DPH6: variants seen among roughly 807,000 people sequenced by gnomAD.
DPH6 encodes diphthine--ammonia ligase.
In DPH6, 33 loss-of-function variants were observed where a neutral mutation model predicts 38.2. The observed-to-expected ratio is 0.86, with a 90% CI of 0.65 to 1.15. The LOEUF (loss-of-function observed/expected upper bound fraction) is 1.15, where lower values mean the gene tolerates loss of function less well. Ranked by LOEUF, DPH6 falls within the 50% of genes most tolerant of loss-of-function variation. DPH6 has a pLI of 0.00. For synonymous variants in DPH6, 108 were observed against 103.0 expected (o/e 1.05, Z -0.30); for missense variants, 325 against 320.0 (o/e 1.02, Z -0.12).
At chr15:35,498,855 C>T (rs962030470) in intron 3 of DPH6, among the ~76,000 whole-genome samples, 2 of 150,702 alleles carry the variant, frequency 1.3e-5, no homozygotes, top group African/African-American at 4.9e-5. Context: ...AGTCGGTAAT[C>T]CCAGCTACTT....
chr15:35,397,906 C>CACACACACACACACAT (rs1555398584), intron 6 of DPH6, among the ~76,000 whole-genome samples: 2 of 147,196 alleles, frequency 1.4e-5, no homozygotes, highest in African/African-American at 2.6e-5. Context: ...CACACACACA[C>CACACACACACACACAT]ACACACACAA....
At chr15:35,272,326 C>T (rs1429118085) in intron 3 of DPH6, among the ~76,000 whole-genome samples, 1 of 151,982 alleles carries the variant, frequency 6.6e-6, no homozygotes, top group Non-Finnish European at 1.5e-5. Context: ...CCATAGGGGT[C>T]CTGTAAGTTT....
intron 3 of DPH6, chr15:35,299,435 G>A (rs1449741500): frequency 1.3e-6 from 1 of 782,306 alleles, no homozygotes; most frequent in Admixed American, 1.7e-5. Flanking sequence ...GATCGTACAG[G>A]GACATCTTTT....
intron 3 of DPH6, among the ~76,000 whole-genome samples, chr15:35,507,617 A>T (rs1267908025): frequency 3.9e-5 from 6 of 152,174 alleles, no homozygotes; most frequent in Admixed American, 3.9e-4. Flanking sequence ...TAAAACATTT[A>T]TCTGTTAATA....
At chr15:35,289,580 G>T (rs996127224) in intron 3 of DPH6, among the ~76,000 whole-genome samples, 8 of 152,210 alleles carry the variant, frequency 5.3e-5, no homozygotes, top group African/African-American at 1.9e-4. Flanking sequence ...TCAGAGATGT[G>T]ATTGTAAAAA....
chr15:35,233,803 T>A (rs1381011785), intron 3 of DPH6, among the ~76,000 whole-genome samples: 1 of 152,244 alleles, frequency 6.6e-6, no homozygotes, highest in Non-Finnish European at 1.5e-5. Context: ...CTGAGTTTAT[T>A]CCTACTTCTT....
At chr15:35,284,796 T>TC (rs2051928856) in intron 3 of DPH6, among the ~76,000 whole-genome samples, 2 of 126,662 alleles carry the variant, frequency 1.6e-5, no homozygotes, top group African/African-American at 5.6e-5. Context: ...GGGTGAAGTC[T>TC]CCAAATTTTT....
chr15:35,182,220 A>ATTTTTTTTTTTTTTTTTTTTTTTT, the DPH6 span, among the ~76,000 whole-genome samples: 1 of 86,012 alleles, frequency 1.2e-5, no homozygotes, highest in African/African-American at 3.9e-5. Context: ...AACTCTAAGA[A>ATTTTTTTTTTTTTTTTTTTTTTTT]TTTTTTTTTT....
intron 1 of DPH6, among the ~76,000 whole-genome samples, chr15:35,545,584 G>T (rs1242948439): frequency 6.6e-6 from 1 of 152,190 alleles, no homozygotes; most frequent in Non-Finnish European, 1.5e-5. Flanking sequence ...ATGAGGGAGG[G>T]GTGGACTTCT....
At chr15:35,275,698 T>A (rs1431768071) in intron 3 of DPH6, among the ~76,000 whole-genome samples, 10 of 149,478 alleles carry the variant, frequency 6.7e-5, no homozygotes. Flanking sequence ...TGCACATGTA[T>A]CTCAGACCTT....
At chr15:35,494,755 CTG>C (rs1566930530) in intron 3 of DPH6, among the ~76,000 whole-genome samples, 1 of 151,802 alleles carries the variant, frequency 6.6e-6, no homozygotes, top group Non-Finnish European at 1.5e-5. Flanking sequence ...AACACTTAAA[CTG>C]TGTGTGAATT....
chr15:35,478,223 A>G (rs1018095145), intron 3 of DPH6, among the ~76,000 whole-genome samples: 35 of 151,938 alleles, frequency 2.3e-4, no homozygotes, highest in African/African-American at 8.2e-4. Context: ...TGATAAGCCT[A>G]TAACTAAATA....
chr15:35,397,627 G>A (rs971630239), intron 6 of DPH6, among the ~76,000 whole-genome samples: 1 of 151,992 alleles, frequency 6.6e-6, no homozygotes, highest in Admixed American at 6.6e-5. Context: ...AACCAAAAGG[G>A]TAAGGAGCTA....
chr15:35,208,978 T>A, the DPH6 span, among the ~76,000 whole-genome samples: 1 of 152,314 alleles, frequency 6.6e-6, no homozygotes, highest in East Asian at 1.9e-4. Flanking sequence ...TTTCACTTTT[T>A]AAATGTGTCA....
At chr15:35,414,549 A>G (rs2053412267) in intron 5 of DPH6, among the ~76,000 whole-genome samples, 1 of 151,744 alleles carries the variant, frequency 6.6e-6, no homozygotes, top group African/African-American at 2.4e-5. Context: ...TCAAATCTAG[A>G]GCATTTTCAG....
chr15:35,182,211 A>T, the DPH6 span, among the ~76,000 whole-genome samples: 33,894 of 138,024 alleles, frequency 0.25, 5,122 homozygotes, highest in East Asian at 0.68. Flanking sequence ...AAACTGGACA[A>T]CTCTAAGAAT....
At chr15:35,503,566 C>T (rs1306275847) in intron 3 of DPH6, among the ~76,000 whole-genome samples, 2 of 152,006 alleles carry the variant, frequency 1.3e-5, no homozygotes, top group African/African-American at 4.8e-5. Flanking sequence ...TTAAACATAC[C>T]CTTATTCTTC....
At chr15:35,396,696 C>A (rs765515219) in intron 6 of DPH6, among the ~76,000 whole-genome samples, 1 of 152,022 alleles carries the variant, frequency 6.6e-6, no homozygotes, top group Non-Finnish European at 1.5e-5. Flanking sequence ...TTATAATAGC[C>A]ATTGGATGTC....
chr15:35,472,759 C>T lies in DPH6; in HGVS notation c.313-17939G>A, dbSNP rs146981943. On this transcript the variant is annotated intron_variant, in intron 3 of 8. Transcript: ENST00000256538. ...AGTCCCAACAGACTATTTTTTCACT[C>T]AGCAAATTATTCAACAAATATTTGA... 9.0e-3 allele frequency among the ~76,000 whole-genome samples: 1,369 copies of T among 152,132 alleles called. 21 individuals carry two copies. Among genetic ancestry groups the T allele is most frequent in the African/African-American group, 0.027 (1,104 of 41,528 alleles).
Sources: allele counts gnomAD v4.1 joint callset (sites outside exome capture counted in the v4.1 genomes callset), GRCh38; gene constraint gnomAD v4.1.1; transcripts MANE v1.5; gene names NCBI Gene and HGNC (gene_info 2026-07-23, HGNC 2026-07-21).